Variants in ASPRV1 observed in about 807,000 individuals in gnomAD.
ASPRV1 encodes the protein retroviral-like aspartic protease 1.
A neutral mutation model predicts 11.0 loss-of-function variants in ASPRV1; 7 were observed. The ratio of observed to expected loss-of-function variants is 0.64; its 90% CI spans 0.36 to 1.20. The LOEUF is 1.20. ASPRV1 is among the 50% of genes most tolerant of loss of function. The probability of loss-of-function intolerance (pLI) is 0.02; values close to 1 mark genes in which losing one functional copy is unlikely to be tolerated. For missense variants in ASPRV1, 299 were observed against 320.0 expected, an observed-to-expected ratio of 0.93 and a Z score of 0.50; for synonymous variants, 136 against 138.4, an observed-to-expected ratio of 0.98 and a Z score of 0.12.
At chr2:69,996,214 C>CAAA in the ASPRV1 span, among the ~76,000 whole-genome samples, 414 of 53,484 alleles carry the variant, frequency 7.7e-3, 16 homozygotes, top group Middle Eastern at 0.06. Context: ...CCCCATCTCT[C>CAAA]AAAAAAAAAA....
chr2:69,991,519 C>T, the ASPRV1 span, among the ~76,000 whole-genome samples: 14 of 152,288 alleles, frequency 9.2e-5, no homozygotes, highest in South Asian at 1.9e-3. Flanking sequence ...GGGTCACCTG[C>T]AGCCCAGAGA....
chr2:70,081,965 T>C, the ASPRV1 span, among the ~76,000 whole-genome samples: 2 of 151,486 alleles, frequency 1.3e-5, no homozygotes, highest in Non-Finnish European at 2.9e-5. Context: ...AAAAGCTACG[T>C]TAGTAGGGCA....
chr2:70,054,604 A>AAATT, the ASPRV1 span, among the ~76,000 whole-genome samples: 1 of 151,262 alleles, frequency 6.6e-6, no homozygotes, highest in East Asian at 1.9e-4. Context: ...ATAAATAAAT[A>AAATT]ATAAAATAAT....
At chr2:69,954,472 TA>T in the ASPRV1 span, among the ~76,000 whole-genome samples, 1 of 152,198 alleles carries the variant, frequency 6.6e-6, no homozygotes, top group African/African-American at 2.4e-5. Context: ...AGAATATTAA[TA>T]AACTTAAAAC....
the ASPRV1 span, among the ~76,000 whole-genome samples, chr2:70,023,216 G>A: frequency 6.6e-6 from 1 of 152,216 alleles, no homozygotes; most frequent in Non-Finnish European, 1.5e-5. Flanking sequence ...AGAAAGATGG[G>A]GGCGAGGGCC....
At chr2:70,078,685 T>C in the ASPRV1 span, among the ~76,000 whole-genome samples, 1 of 152,158 alleles carries the variant, frequency 6.6e-6, no homozygotes, top group African/African-American at 2.4e-5. Flanking sequence ...GGAAATGAAG[T>C]CAGAGCAGCT....
chr2:70,067,441 G>C, the ASPRV1 span, among the ~76,000 whole-genome samples: 2 of 152,168 alleles, frequency 1.3e-5, no homozygotes, highest in Non-Finnish European at 2.9e-5. Context: ...GGTAACTGAA[G>C]CTGCCAAAGA....
chr2:70,079,989 C>T, the ASPRV1 span, among the ~76,000 whole-genome samples: 1 of 152,114 alleles, frequency 6.6e-6, no homozygotes, highest in Admixed American at 6.6e-5. Context: ...AAACAAAATC[C>T]GTTAAGTCTT....
At chr2:69,985,093 T>C in the ASPRV1 span, among the ~76,000 whole-genome samples, 4 of 152,176 alleles carry the variant, frequency 2.6e-5, no homozygotes, top group African/African-American at 4.8e-5. Flanking sequence ...CCTGACCTTG[T>C]GATCTGCCCA....
the ASPRV1 span, chr2:70,085,546 C>T: frequency 1.2e-4 from 18 of 152,188 alleles, no homozygotes; most frequent in African/African-American, 4.3e-4. Flanking sequence ...AATGTGCTCA[C>T]CAGTAAGGAA....
chr2:70,014,892 T>C, the ASPRV1 span, among the ~76,000 whole-genome samples: 1 of 151,394 alleles, frequency 6.6e-6, no homozygotes, highest in Non-Finnish European at 1.5e-5. Context: ...CTGAAAAGGA[T>C]TTACTATCCA....
chr2:70,037,960 G>C, the ASPRV1 span, among the ~76,000 whole-genome samples: 1 of 152,052 alleles, frequency 6.6e-6, no homozygotes, highest in African/African-American at 2.4e-5. Flanking sequence ...CTGAAACCTA[G>C]GTCTGTTTCT....
the ASPRV1 span, among the ~76,000 whole-genome samples, chr2:70,041,593 C>A: frequency 6.6e-6 from 1 of 152,186 alleles, no homozygotes; most frequent in African/African-American, 2.4e-5. Flanking sequence ...GCACTGATCC[C>A]CATGTGTAAC....
At chr2:69,938,398 AC>A in the ASPRV1 span, 1 of 1,090,412 alleles carries the variant, frequency 9.2e-7, no homozygotes, top group Non-Finnish European at 1.3e-6. Context: ...TCCCACCTTG[AC>A]CAAAATCAGC....
At chr2:69,993,045 C>G in the ASPRV1 span, among the ~76,000 whole-genome samples, 2 of 152,196 alleles carry the variant, frequency 1.3e-5, no homozygotes, top group African/African-American at 4.8e-5. Context: ...TGAAGCACCC[C>G]TGCAGTCACT....
At chr2:70,016,510 C>T in the ASPRV1 span, among the ~76,000 whole-genome samples, 1 of 152,070 alleles carries the variant, frequency 6.6e-6, no homozygotes. Context: ...CACTGCACTC[C>T]AGCCTGGGTG....
the ASPRV1 span, among the ~76,000 whole-genome samples, chr2:70,028,030 G>A: frequency 6.6e-6 from 1 of 152,164 alleles, no homozygotes; most frequent in East Asian, 1.9e-4. Flanking sequence ...CCAGGGTACT[G>A]TAATTAAAGG....
At chr2:69,959,227 T>A (rs1039853683), downstream of ASPRV1, among the ~76,000 whole-genome samples, 1 of 151,832 alleles carries the variant, frequency 6.6e-6, no homozygotes, top group Admixed American at 6.6e-5. Context: ...CATCAAGAGG[T>A]CTGGGATCCC....
the ASPRV1 span, among the ~76,000 whole-genome samples, chr2:70,084,382 ACT>A: frequency 3.9e-5 from 6 of 152,216 alleles, no homozygotes; most frequent in East Asian, 1.2e-3. Flanking sequence ...ATGAGACAGG[ACT>A]CTCTGCAGAG....
Sources: gnomAD v4.1 joint callset for allele counts (sites outside exome capture counted in the v4.1 genomes callset) on GRCh38, gnomAD v4.1.1 for gene constraint, MANE v1.5 for transcripts, NCBI Gene and HGNC (gene_info 2026-07-23, HGNC 2026-07-21) for gene names.